The following PHACTR3 variants were observed in gnomAD, a reference collection of about 807,000 sequenced individuals.
PHACTR3 encodes protein phosphatase 1, regulatory subunit 123.
Under a neutral mutation model 66.8 loss-of-function variants are expected in PHACTR3, and 16 were observed. The observed-to-expected ratio is 0.24, with a 90% CI of 0.16 to 0.36. The LOEUF is 0.36. Ranked by LOEUF, PHACTR3 falls within the 10% of genes least tolerant of loss-of-function variation. The pLI, the probability that PHACTR3 is intolerant of heterozygous loss-of-function variation, is 1.00. For missense variants in PHACTR3, 647 were observed against 719.9 expected, an observed-to-expected ratio of 0.90 and a Z score of 1.16; for synonymous variants, 323 against 292.1, an observed-to-expected ratio of 1.11 and a Z score of -1.08.
chr20:59,769,815 A>G (rs540011074), intron 5 of PHACTR3, among the ~76,000 whole-genome samples: 1 of 152,332 alleles, frequency 6.6e-6, no homozygotes, highest in African/African-American at 2.4e-5. Context: ...ATCTTTCTAC[A>G]TCTCTGTAGA....
At chr20:59,684,667 C>T (rs185649337) in intron 1 of PHACTR3, among the ~76,000 whole-genome samples, 12 of 152,302 alleles carry the variant, frequency 7.9e-5, no homozygotes, top group African/African-American at 2.9e-4. Context: ...AGTTTCCCTC[C>T]ACAACCTCAC....
At chr20:59,628,452 A>T (rs956727921) in intron 1 of PHACTR3, among the ~76,000 whole-genome samples, 9 of 152,194 alleles carry the variant, frequency 5.9e-5, no homozygotes, top group Non-Finnish European at 8.8e-5. Flanking sequence ...CACAGAGAGC[A>T]AGCACTGCAC....
chr20:59,719,387 A>T (rs958569037), intron 1 of PHACTR3, among the ~76,000 whole-genome samples: 3 of 151,090 alleles, frequency 2.0e-5, no homozygotes, highest in Non-Finnish European at 3.0e-5. Context: ...CTGGTCTTGA[A>T]CTCCTGACCT....
intron 1 of PHACTR3, among the ~76,000 whole-genome samples, chr20:59,724,513 T>TC (rs1233636795): frequency 1.3e-5 from 2 of 152,110 alleles, no homozygotes; most frequent in Non-Finnish European, 2.9e-5. Context: ...CTGAATGAGT[T>TC]CCATGCTTTG....
At chr20:59,692,743 GGT>G (rs1232138610) in intron 1 of PHACTR3, among the ~76,000 whole-genome samples, 1 of 152,130 alleles carries the variant, frequency 6.6e-6, no homozygotes, top group Non-Finnish European at 1.5e-5. Context: ...AGGGAGCCTT[GGT>G]TAAAATATCA....
chr20:59,628,069 A>T (rs2034521894), intron 1 of PHACTR3: 2 of 152,288 alleles, frequency 1.3e-5, no homozygotes, highest in African/African-American at 4.8e-5. Flanking sequence ...CCCTGCTCAA[A>T]TGCCTTCAGT....
At chr20:59,768,839 C>T (rs1282799566) in intron 5 of PHACTR3, among the ~76,000 whole-genome samples, 6 of 152,366 alleles carry the variant, frequency 3.9e-5, no homozygotes, top group Non-Finnish European at 4.4e-5. Context: ...TGATGATTCT[C>T]AGCCAGATAC....
At chr20:59,684,079 G>A (rs2036766772) in intron 1 of PHACTR3, among the ~76,000 whole-genome samples, 1 of 152,216 alleles carries the variant, frequency 6.6e-6, no homozygotes, top group Non-Finnish European at 1.5e-5. Context: ...TTCCTGCATG[G>A]TTCTAGGATG....
In PHACTR3 at chr20:59,584,298, CTGTG is replaced by C. The variant is rs898974461; in HGVS notation, c.109+6686_109+6689del. Among the ~76,000 whole-genome samples, 22 of 150,316 alleles carry C rather than the reference CTGTG, an allele frequency of 1.5e-4. No individual in the cohort carries two copies. The East Asian group carries it at 2.7e-3, about 19-fold the overall frequency. ...AGGCCGTGCAAGAGTGTGTACGTGC[CTGTG>C]TGTGACTGTGTGTGTGAGGGTGTGA... On this transcript the variant is annotated intron_variant, in intron 1 of 12. Coordinates refer to the PHACTR3 transcript ENST00000359926.
At chr20:59,722,560 A>T (rs1443822471) in intron 1 of PHACTR3, among the ~76,000 whole-genome samples, 1 of 152,040 alleles carries the variant, frequency 6.6e-6, no homozygotes, top group East Asian at 1.9e-4. Context: ...GGGTGGGAGG[A>T]TGCCCTGGAG....
intron 1 of PHACTR3, among the ~76,000 whole-genome samples, chr20:59,645,999 A>G (rs2035271094): frequency 6.6e-6 from 1 of 151,892 alleles, no homozygotes; most frequent in South Asian, 2.1e-4. Flanking sequence ...TTCTGCCTGG[A>G]GTGTTGGCAG....
intron 1 of PHACTR3, among the ~76,000 whole-genome samples, chr20:59,611,119 C>A (rs1229620795): frequency 6.6e-6 from 1 of 152,254 alleles, no homozygotes; most frequent in Non-Finnish European, 1.5e-5. Context: ...CATGGATAAG[C>A]TGTGTGACTT....
intron 1 of PHACTR3, among the ~76,000 whole-genome samples, chr20:59,661,075 G>A (rs900758713): frequency 6.6e-6 from 1 of 152,232 alleles, no homozygotes; most frequent in African/African-American, 2.4e-5. Flanking sequence ...AAAGTGGGCA[G>A]TGGATTATGC....
At chr20:59,608,179 T>C (rs2033727772) in intron 1 of PHACTR3, among the ~76,000 whole-genome samples, 1 of 152,230 alleles carries the variant, frequency 6.6e-6, no homozygotes, top group Admixed American at 6.5e-5. Flanking sequence ...AGTTCCCTGA[T>C]TGCTAGTGAG....
At chr20:59,602,146 C>CT (rs1398837688), upstream of PHACTR3, among the ~76,000 whole-genome samples, 1 of 152,182 alleles carries the variant, frequency 6.6e-6, no homozygotes. Flanking sequence ...CCCTTGGGCC[C>CT]TTTTTAACCA....
At chr20:59,647,149 G>A (rs1337975140) in intron 1 of PHACTR3, among the ~76,000 whole-genome samples, 1 of 152,222 alleles carries the variant, frequency 6.6e-6, no homozygotes, top group Non-Finnish European at 1.5e-5. Flanking sequence ...CCACATGGCT[G>A]GGGAGGCCTC....
rs1600897329 is a variant in PHACTR3, at chr20:59,605,082, T to C, written c.68T>C (p.Val23Ala). 14 of 1,410,494 alleles carry C rather than the reference T, an allele frequency of 9.9e-6. No individual in the cohort carries two copies. In the East Asian group the frequency reaches 4.0e-4, roughly 40 times the overall value. 87.4% of individuals were successfully genotyped at this position (1,410,494 alleles called of 1,614,324 possible). A position where few individuals can be genotyped will look rare whatever the true frequency, so the allele number is the denominator to read the frequency against. Residue 23 changes from valine to alanine, a missense_variant, in exon 1 of 13, where the codon GTC becomes GCC. Val to Ala is a moderately conservative substitution (Grantham distance 64, BLOSUM62 0). Coordinates refer to ENST00000371015, the MANE Select transcript of PHACTR3 (RefSeq NM_080672.5). The stretch of plus-strand genomic sequence containing the variant: ...GGCCGCTCGCAGAGTGACCCCAGCG[T>C]CCTCACCGACTCCTCGGCCACCTCC... ...SRGRSQSDPS[V>A]LTDSSATSSA...
chr20:59,670,950 C>G (rs1756799128), intron 1 of PHACTR3, among the ~76,000 whole-genome samples: 1 of 152,198 alleles, frequency 6.6e-6, no homozygotes, highest in South Asian at 2.1e-4. Flanking sequence ...TTTCTGCTCC[C>G]AGACCAAGGG....
chr20:59,839,420 A>G (rs1415706361), intron 9 of PHACTR3, among the ~76,000 whole-genome samples: 1 of 152,222 alleles, frequency 6.6e-6, no homozygotes, highest in Admixed American at 6.5e-5. Context: ...ATAAAGGCAG[A>G]TAATGTGAAA....
Sources: gnomAD v4.1 joint callset for allele counts (sites outside exome capture counted in the v4.1 genomes callset) on GRCh38, gnomAD v4.1.1 for gene constraint, MANE v1.5 for transcripts, NCBI Gene and HGNC (gene_info 2026-07-23, HGNC 2026-07-21) for gene names.